Variants in ZDHHC14 observed in about 807,000 individuals in gnomAD.
The protein encoded by ZDHHC14 is palmitoyltransferase ZDHHC14.
In ZDHHC14, 16 loss-of-function variants were observed where a neutral mutation model predicts 47.7. The observed-to-expected ratio is 0.34, with a 90% confidence interval of 0.23 to 0.51. ZDHHC14 has a LOEUF of 0.51. ZDHHC14 is among the 20% of genes least tolerant of loss of function. The pLI is 0.97. For missense variants in ZDHHC14, 515 were observed against 662.5 expected (o/e 0.78, Z 2.44); for synonymous variants, 293 against 278.9 (o/e 1.05, Z -0.50).
At chr6:157,492,204 CCG>C (rs1288279370) in intron 1 of ZDHHC14, among the ~76,000 whole-genome samples, 2 of 137,156 alleles carry the variant, frequency 1.5e-5, no homozygotes, top group African/African-American at 5.8e-5. Context: ...CCCTCCGCCC[CCG>C]CCCCCCAGCC....
rs773447181 is a variant in ZDHHC14 at position 157,382,031 on chromosome 6, G to T, written c.10G>T (p.Gly4Cys). ...CCGGCTGCCCTCGTGGATGCCTCCC[G>T]GCGGCGGCGGGCCCATGAAAGACTG... Reference protein sequence around the residue: MPPGGGGPMKDCEY... With the variant: MPPCGGGPMKDCEY... The change falls in exon 1 of 9, where the codon GGC becomes TGC. Residue 4 changes from glycine to cysteine, a missense_variant. This residue lies in a region of ZDHHC14 where 59 missense variants were observed against 57.7 expected (regional missense o/e 1.02). Transcript: ENST00000359775. 1.3e-6 allele frequency: 2 copies of T among 1,504,750 alleles called. No homozygotes were observed. The highest frequency in any genetic ancestry group is 8.9e-7 in the Non-Finnish European group (1 of 1,126,654). 93.2% of individuals were successfully genotyped at this position (1,504,750 alleles called of 1,614,324 possible).
At chr6:157,484,969 G>A (rs925968980) in intron 1 of ZDHHC14, among the ~76,000 whole-genome samples, 3 of 152,074 alleles carry the variant, frequency 2.0e-5, no homozygotes, top group Admixed American at 6.5e-5. Flanking sequence ...GTGATGGCAC[G>A]TGCCTATAGT....
chr6:157,429,315 C>T (rs1778289057), intron 1 of ZDHHC14, among the ~76,000 whole-genome samples: 3 of 152,080 alleles, frequency 2.0e-5, no homozygotes, highest in Admixed American at 1.3e-4. Context: ...GAGTACGTCT[C>T]CTTTGATAAG....
At chr6:157,485,311 C>T (rs1779751053) in intron 1 of ZDHHC14, among the ~76,000 whole-genome samples, 1 of 152,098 alleles carries the variant, frequency 6.6e-6, no homozygotes, top group African/African-American at 2.4e-5. Flanking sequence ...CCTCTGCACA[C>T]ACCCGGGATC....
intron 7 of ZDHHC14, among the ~76,000 whole-genome samples, chr6:157,652,114 A>C (rs1199359700): frequency 6.6e-6 from 1 of 152,202 alleles, no homozygotes; most frequent in African/African-American, 2.4e-5. Flanking sequence ...TTTCTTTGAA[A>C]GGTGGAGATT....
intron 2 of ZDHHC14, among the ~76,000 whole-genome samples, chr6:157,590,685 C>T (rs994956615): frequency 2.6e-5 from 4 of 152,210 alleles, no homozygotes; most frequent in African/African-American, 7.2e-5. Flanking sequence ...AGAGCCCCCA[C>T]ATAGAGCCCC....
At chr6:157,445,985 G>A (rs1778659824) in intron 1 of ZDHHC14, among the ~76,000 whole-genome samples, 1 of 152,176 alleles carries the variant, frequency 6.6e-6, no homozygotes, top group Non-Finnish European at 1.5e-5. Flanking sequence ...GAGTCAGTTG[G>A]TAGTGTGGGG....
chr6:157,605,159 ATG>A (rs1267849993), intron 3 of ZDHHC14, among the ~76,000 whole-genome samples: 1 of 152,196 alleles, frequency 6.6e-6, no homozygotes, highest in Non-Finnish European at 1.5e-5. Context: ...AAAGCTTAAT[ATG>A]TGTTTGCACA....
At chr6:157,650,396 G>A (rs1339295800) in intron 7 of ZDHHC14, among the ~76,000 whole-genome samples, 1 of 152,106 alleles carries the variant, frequency 6.6e-6, no homozygotes, top group Non-Finnish European at 1.5e-5. Context: ...ACCAAGAGGT[G>A]AGACAAGACA....
At chr6:157,630,999 C>G (rs1464005028) in intron 4 of ZDHHC14, 1 of 151,850 alleles carries the variant, frequency 6.6e-6, no homozygotes, top group Non-Finnish European at 1.5e-5. Context: ...CCCTTACACA[C>G]CCACACTCTC....
rs375906893 is a variant in ZDHHC14 at position 157,601,531 on chromosome 6, T to C, written c.565+8385T>C. Among the ~76,000 whole-genome samples the C allele has an allele frequency of 2.8e-4, 43 of 152,318 alleles. 1 individual carries two copies. The highest frequency in any genetic ancestry group is 1.0e-3 in the African/African-American group (42 of 41,574). On this transcript the variant is annotated intron_variant, in intron 3 of 8. Coordinates refer to ENST00000359775, the MANE Select transcript of ZDHHC14 (RefSeq NM_024630.3). ...TTAAAATAGCATACTATGTATCAGT[T>C]AGGAATTGTAATAAAAATCAAGACA... is the stretch of plus-strand genomic sequence containing the variant.
At chr6:157,548,905 G>A (rs1562474981) in intron 2 of ZDHHC14, among the ~76,000 whole-genome samples, 1 of 152,228 alleles carries the variant, frequency 6.6e-6, no homozygotes, top group East Asian at 1.9e-4. Context: ...CTGATGAACA[G>A]GCCAGACAGT....
chr6:157,623,581 C>T (rs1459930088), intron 3 of ZDHHC14, among the ~76,000 whole-genome samples: 1 of 134,068 alleles, frequency 7.5e-6, no homozygotes, highest in African/African-American at 2.8e-5. Context: ...CTTGCTCTGT[C>T]GCTCAGGCTT....
intron 1 of ZDHHC14, among the ~76,000 whole-genome samples, chr6:157,456,037 C>G (rs537283211): frequency 1.3e-5 from 2 of 152,224 alleles, no homozygotes; most frequent in South Asian, 2.1e-4. Context: ...GCTTTTTCGG[C>G]GAGGATTTAG....
At chr6:157,492,186 A>C (rs1779935559) in intron 1 of ZDHHC14, among the ~76,000 whole-genome samples, 3 of 127,860 alleles carry the variant, frequency 2.3e-5, no homozygotes, top group South Asian at 2.3e-4. Context: ...CTTGACCCTC[A>C]ACATCCCCCC....
At chr6:157,440,839 T>G (rs1778547601) in intron 1 of ZDHHC14, among the ~76,000 whole-genome samples, 1 of 152,254 alleles carries the variant, frequency 6.6e-6, no homozygotes, top group Admixed American at 6.5e-5. Context: ...GACTGCTTCA[T>G]GTGTACAAGT....
chr6:157,606,744 G>C (rs190615459), intron 3 of ZDHHC14, among the ~76,000 whole-genome samples: 74 of 152,320 alleles, frequency 4.9e-4, no homozygotes, highest in African/African-American at 1.8e-3. Context: ...CAAGAACTTT[G>C]CTTCTAGGGT....
chr6:157,661,172 A>G (rs1682763193), intron 8 of ZDHHC14, among the ~76,000 whole-genome samples: 1 of 152,090 alleles, frequency 6.6e-6, no homozygotes, highest in Non-Finnish European at 1.5e-5. Flanking sequence ...GTGGGTGCCC[A>G]TGGATACCTG....
At chr6:157,431,002 C>A (rs1343268799) in intron 1 of ZDHHC14, among the ~76,000 whole-genome samples, 1 of 152,210 alleles carries the variant, frequency 6.6e-6, no homozygotes, top group African/African-American at 2.4e-5. Context: ...TGTTGTGTTG[C>A]TGATCTGCTT....
Sources: gnomAD v4.1 joint callset for allele counts (sites outside exome capture counted in the v4.1 genomes callset) on GRCh38, gnomAD v4.1.1 for gene constraint, gnomAD v4.1.1 regional missense constraint, MANE v1.5 for transcripts, NCBI Gene and HGNC (gene_info 2026-07-23, HGNC 2026-07-21) for gene names.